The following ATL2 variants were observed in gnomAD, a reference collection of about 807,000 sequenced individuals.
ATL2 encodes atlastin-2.
ATL2 carries 31 observed loss-of-function variants against 73.9 expected under a neutral mutation model. The observed-to-expected ratio is 0.42, with a 90% CI of 0.32 to 0.57. The LOEUF is 0.57. Among genes scored for constraint, ATL2 ranks in the 20% least tolerant of loss-of-function variants. The pLI is 0.14. For synonymous variants in ATL2, 291 were observed against 237.5 expected (o/e 1.23, Z -2.07); for missense variants, 738 against 702.6 (o/e 1.05, Z -0.57).
intron 4 of ATL2, among the ~76,000 whole-genome samples, chr2:38,316,039 C>T (rs1434595087): frequency 6.6e-6 from 1 of 152,178 alleles, no homozygotes; most frequent in African/African-American, 2.4e-5. Context: ...GATCTTTAGA[C>T]AGTAATCTAC....
Position 38,318,948 on chromosome 2 carries a change from T to C in ATL2, c.435A>G (p.Arg145=). 2 of 1,614,094 alleles carry C rather than the reference T, an allele frequency of 1.2e-6. No homozygotes were observed. Among genetic ancestry groups the C allele is most frequent in the Non-Finnish European group, 1.7e-6 (2 of 1,179,958 alleles). The change falls in exon 3 of 13, where the codon AGA becomes AGG. Residue 145 remains arginine (R), a synonymous_variant. Coordinates refer to ENST00000378954, the MANE Select transcript of ATL2 (RefSeq NM_001135673.4). ...TGFTWRGGCE[R]ETTGIQVWNE... ...TCCAAACTTGTATGCCTGTTGTTTCTCTTTCACAGCCACCTCGCCATGTAA... is the reference window on the plus strand; with the variant it reads ...TCCAAACTTGTATGCCTGTTGTTTCCCTTTCACAGCCACCTCGCCATGTAA...
chr2:38,365,134 T>TACACACACACACACACACACAC (rs541325892), intron 1 of ATL2, among the ~76,000 whole-genome samples: 57 of 132,734 alleles, frequency 4.3e-4, no homozygotes, highest in South Asian at 2.7e-3. Context: ...AAGGGAATCA[T>TACACACACACACACACACACAC]ACACACACAC....
chr2:38,345,517 T>C (rs1558435043), intron 1 of ATL2, among the ~76,000 whole-genome samples: 1 of 152,104 alleles, frequency 6.6e-6, no homozygotes, highest in Non-Finnish European at 1.5e-5. Context: ...ACAATGACAA[T>C]GCATTATAAA....
chr2:38,370,150 CAAAAAA>C (rs962952444), intron 1 of ATL2, among the ~76,000 whole-genome samples: 3 of 43,928 alleles, frequency 6.8e-5, no homozygotes, highest in African/African-American at 3.3e-4. Context: ...GAGACTCCGT[CAAAAAA>C]AAAAAAAAAA....
chr2:38,370,130 G>T (rs1016276588), intron 1 of ATL2, among the ~76,000 whole-genome samples: 4 of 142,020 alleles, frequency 2.8e-5, no homozygotes, highest in African/African-American at 1.1e-4. Context: ...ACTCCAACCT[G>T]GGCGACAGCG....
At chr2:38,300,160 T>C (rs964427973) in intron 10 of ATL2, 112 bp downstream of exon 10, 20 of 923,892 alleles carry the variant, frequency 2.2e-5, no homozygotes, top group Middle Eastern at 2.2e-4. Context: ...CAAAATGTGT[T>C]TGCATGCAAA....
chr2:38,362,981 T>A (rs1246294470), intron 1 of ATL2, among the ~76,000 whole-genome samples: 2 of 152,186 alleles, frequency 1.3e-5, no homozygotes, highest in Non-Finnish European at 2.9e-5. Flanking sequence ...TCAAAATAAT[T>A]CACTGTATGA....
At chr2:38,334,231 T>C (rs1669171371) in intron 2 of ATL2, among the ~76,000 whole-genome samples, 1 of 151,694 alleles carries the variant, frequency 6.6e-6, no homozygotes, top group Admixed American at 6.6e-5. Flanking sequence ...TGTTTCACCA[T>C]GTTGGCCAGG....
At chr2:38,311,172 A>C (rs539353324) in intron 7 of ATL2, among the ~76,000 whole-genome samples, 1 of 152,298 alleles carries the variant, frequency 6.6e-6, no homozygotes, top group South Asian at 2.1e-4. Flanking sequence ...GCCCCTGAAC[A>C]AAGTAAAAGC....
At chr2:38,322,876 G>A (rs928982046) in intron 2 of ATL2, among the ~76,000 whole-genome samples, 24 of 152,134 alleles carry the variant, frequency 1.6e-4, no homozygotes, top group African/African-American at 5.8e-4. Context: ...GAGAGACCCT[G>A]CCTCTATTTA....
intron 2 of ATL2, among the ~76,000 whole-genome samples, chr2:38,330,749 T>C (rs989534013): frequency 6.6e-6 from 1 of 152,186 alleles, no homozygotes; most frequent in Non-Finnish European, 1.5e-5. Context: ...TGGAAAAATA[T>C]CCCATATTCA....
intron 2 of ATL2, among the ~76,000 whole-genome samples, chr2:38,322,204 T>C (rs1257790861): frequency 1.3e-5 from 2 of 150,196 alleles, no homozygotes; most frequent in Non-Finnish European, 2.9e-5. Flanking sequence ...AAAAAAAAAA[T>C]CTGGTACTTA....
intron 2 of ATL2, among the ~76,000 whole-genome samples, chr2:38,324,279 A>C (rs558677744): frequency 6.6e-6 from 1 of 152,046 alleles, no homozygotes; most frequent in East Asian, 1.9e-4. Context: ...ACTCAGTCTC[A>C]AAAAAAACAA....
intron 2 of ATL2, among the ~76,000 whole-genome samples, chr2:38,339,417 G>A (rs563033516): frequency 1.3e-5 from 2 of 152,088 alleles, no homozygotes; most frequent in Admixed American, 1.3e-4. Context: ...ATCAATATTG[G>A]TTTCTTAGTT....
intron 2 of ATL2, among the ~76,000 whole-genome samples, chr2:38,328,594 G>A (rs895566770): frequency 1.6e-4 from 25 of 152,148 alleles, no homozygotes; most frequent in Middle Eastern, 3.4e-3. Context: ...AGGAGTCAAG[G>A]AAATCTCAAT....
intron 4 of ATL2, among the ~76,000 whole-genome samples, chr2:38,317,192 A>C (rs1668069868): frequency 6.6e-6 from 1 of 152,142 alleles, no homozygotes; most frequent in Non-Finnish European, 1.5e-5. Flanking sequence ...ATCACCTATG[A>C]TCTACCATTG....
At chr2:38,306,875 C>T (rs750891724) in intron 9 of ATL2, among the ~76,000 whole-genome samples, 10 of 152,186 alleles carry the variant, frequency 6.6e-5, no homozygotes, top group Non-Finnish European at 1.3e-4. Context: ...CTATTCTACA[C>T]AGTACTGGAA....
chr2:38,368,137 T>C (rs993868106), intron 1 of ATL2, among the ~76,000 whole-genome samples: 1 of 151,476 alleles, frequency 6.6e-6, no homozygotes. Context: ...GGTTTCACTG[T>C]GTTAGCCAGG....
intron 2 of ATL2, among the ~76,000 whole-genome samples, chr2:38,336,032 T>C (rs562093738): frequency 5.3e-5 from 8 of 152,094 alleles, no homozygotes; most frequent in Non-Finnish European, 8.8e-5. Context: ...CATAAATACA[T>C]AAATAAACAA....
Sources: gnomAD v4.1 joint callset for allele counts (sites outside exome capture counted in the v4.1 genomes callset) on GRCh38, gnomAD v4.1.1 for gene constraint, MANE v1.5 for transcripts, NCBI Gene and HGNC (gene_info 2026-07-23, HGNC 2026-07-21) for gene names.